The following SYT9 variants were observed in gnomAD, a reference collection of about 807,000 sequenced individuals.
SYT9 encodes the protein synaptotagmin-9.
Under a neutral mutation model 48.4 loss-of-function variants are expected in SYT9, and 22 were observed. The ratio of observed to expected loss-of-function variants is 0.45; its 90% CI spans 0.32 to 0.65. The LOEUF is 0.65. Among genes scored for constraint, SYT9 ranks in the 30% least tolerant of loss-of-function variants. The probability of loss-of-function intolerance (pLI) is 0.03; values close to 1 mark genes in which losing one functional copy is unlikely to be tolerated. For synonymous variants in SYT9, 265 were observed against 245.0 expected, an observed-to-expected ratio of 1.08 and a Z score of -0.76; for missense variants, 577 against 622.0, an observed-to-expected ratio of 0.93 and a Z score of 0.77.
chr11:7,257,253 A>C (rs761149689), intron 1 of SYT9, among the ~76,000 whole-genome samples: 4 of 152,180 alleles, frequency 2.6e-5, no homozygotes, highest in Non-Finnish European at 5.9e-5. Flanking sequence ...CTTGACTGTT[A>C]CCCTGTACAG....
At chr11:7,274,410 G>A (rs1340992428) in intron 1 of SYT9, among the ~76,000 whole-genome samples, 3 of 149,838 alleles carry the variant, frequency 2.0e-5, no homozygotes, top group South Asian at 2.1e-4. Context: ...CTCTGCCTCC[G>A]GGTTCAAGCG....
At chr11:7,391,168 A>T (rs878996003) in intron 3 of SYT9, among the ~76,000 whole-genome samples, 1 of 152,156 alleles carries the variant, frequency 6.6e-6, no homozygotes. Flanking sequence ...GTTCTATTCC[A>T]TGATGTATAT....
intron 1 of SYT9, among the ~76,000 whole-genome samples, chr11:7,289,946 T>A (rs1365872796): frequency 6.6e-6 from 1 of 152,264 alleles, no homozygotes; most frequent in Non-Finnish European, 1.5e-5. Flanking sequence ...TGTAGAAAGC[T>A]GACAGTTGAA....
chr11:7,249,949 G>A (rs966714568), upstream of SYT9, among the ~76,000 whole-genome samples: 2 of 152,078 alleles, frequency 1.3e-5, no homozygotes, highest in Admixed American at 6.5e-5. Flanking sequence ...TCCTCCTCCC[G>A]TGATCCCTAT....
chr11:7,312,791 A>G (rs955704269), intron 2 of SYT9, among the ~76,000 whole-genome samples: 1 of 152,218 alleles, frequency 6.6e-6, no homozygotes, highest in Non-Finnish European at 1.5e-5. Flanking sequence ...AATCCCAATT[A>G]TGTCACTTCT....
intron 1 of SYT9, among the ~76,000 whole-genome samples, chr11:7,294,172 C>G (rs1351129463): frequency 6.6e-6 from 1 of 152,152 alleles, no homozygotes; most frequent in Non-Finnish European, 1.5e-5. Context: ...ACCTTCATTA[C>G]TTAATCATCT....
intron 3 of SYT9, among the ~76,000 whole-genome samples, chr11:7,388,655 T>A (rs1479007506): frequency 6.6e-6 from 1 of 152,192 alleles, no homozygotes; most frequent in Non-Finnish European, 1.5e-5. Context: ...ATTTTAAATG[T>A]TTTGAAATTT....
At chr11:7,371,251 G>C (rs1589978831) in intron 3 of SYT9, among the ~76,000 whole-genome samples, 1 of 151,912 alleles carries the variant, frequency 6.6e-6, no homozygotes, top group African/African-American at 2.4e-5. Flanking sequence ...AATAAATAGT[G>C]GTCTTGCTCT....
intron 1 of SYT9, among the ~76,000 whole-genome samples, chr11:7,284,229 A>G (rs1217629943): frequency 6.6e-5 from 10 of 152,142 alleles, no homozygotes; most frequent in Non-Finnish European, 1.3e-4. Context: ...TGAGAAGCCA[A>G]CTTTCTTATT....
At chr11:7,410,308 T>C (rs1033731984) in intron 3 of SYT9, among the ~76,000 whole-genome samples, 6 of 152,232 alleles carry the variant, frequency 3.9e-5, no homozygotes, top group Non-Finnish European at 8.8e-5. Flanking sequence ...AATGTATATT[T>C]TACAGTTGTT....
At chr11:7,348,601 A>T (rs1354039434) in intron 3 of SYT9, among the ~76,000 whole-genome samples, 1 of 148,464 alleles carries the variant, frequency 6.7e-6, no homozygotes, top group African/African-American at 2.5e-5. Context: ...CCTCAGCTTC[A>T]TGAACTGAGC....
chr11:7,430,615 A>G (rs992971233), intron 6 of SYT9, among the ~76,000 whole-genome samples: 3 of 152,146 alleles, frequency 2.0e-5, no homozygotes, highest in Non-Finnish European at 4.4e-5. Context: ...TGTAATCCCC[A>G]ATGTTGGAGG....
chr11:7,263,577 G>A (rs774240367), intron 1 of SYT9, among the ~76,000 whole-genome samples: 2 of 152,150 alleles, frequency 1.3e-5, no homozygotes, highest in Non-Finnish European at 2.9e-5. Context: ...AGACTGAGAG[G>A]GACCAGAAAG....
In SYT9 at chr11:7,268,742, C is replaced by T. The variant is rs929398523; in HGVS notation, c.145+16411C>T. ...TTTTAAAAATATAACTTTATCGAGA[C>T]GTGTTTTACATATTGTAGAGTTCAC... On this transcript the variant is annotated intron_variant, in intron 1 of 6. Coordinates refer to ENST00000318881, the MANE Select transcript of SYT9 (RefSeq NM_175733.4). Among the ~76,000 whole-genome samples the T allele has an allele frequency of 2.0e-5, 3 of 152,064 alleles. No individual in the cohort carries two copies. The East Asian group carries it at 5.8e-4, about 29-fold the overall frequency.
chr11:7,359,825 T>TC (rs1850097398), intron 3 of SYT9, among the ~76,000 whole-genome samples: 1 of 151,606 alleles, frequency 6.6e-6, no homozygotes, highest in African/African-American at 2.4e-5. Context: ...GATGGTAGTT[T>TC]CTTTTGCTGT....
chr11:7,265,794 C>G (rs1848169667), intron 1 of SYT9, among the ~76,000 whole-genome samples: 1 of 151,796 alleles, frequency 6.6e-6, no homozygotes, highest in African/African-American at 2.4e-5. Flanking sequence ...AGTGTCCTAG[C>G]CCTAAGTAAA....
intron 3 of SYT9, among the ~76,000 whole-genome samples, chr11:7,322,624 T>C (rs1849357300): frequency 6.6e-6 from 1 of 152,194 alleles, no homozygotes. Flanking sequence ...GAAGAGACTT[T>C]AATAGCTTTT....
intron 3 of SYT9, among the ~76,000 whole-genome samples, chr11:7,319,733 A>G (rs981233441): frequency 2.0e-4 from 30 of 152,130 alleles, no homozygotes; most frequent in Non-Finnish European, 3.7e-4. Context: ...GCAGGGGAGA[A>G]GTTCTGTGTT....
At chr11:7,274,156 T>C (rs1205507951) in intron 1 of SYT9, among the ~76,000 whole-genome samples, 1 of 152,248 alleles carries the variant, frequency 6.6e-6, no homozygotes, top group Non-Finnish European at 1.5e-5. Flanking sequence ...CCTGCTGTGC[T>C]ATGTAGAACT....
Sources: gnomAD v4.1 joint callset for allele counts (sites outside exome capture counted in the v4.1 genomes callset) on GRCh38, gnomAD v4.1.1 for gene constraint, MANE v1.5 for transcripts, NCBI Gene and HGNC (gene_info 2026-07-23, HGNC 2026-07-21) for gene names.